Variants in PNPT1 observed in about 807,000 individuals in gnomAD.
PNPT1 encodes polyribonucleotide nucleotidyltransferase 1, mitochondrial.
Under a neutral mutation model 119.5 loss-of-function variants are expected in PNPT1, and 53 were observed. The observed-to-expected ratio is 0.44, with a 90% CI of 0.36 to 0.56. PNPT1 has a LOEUF of 0.56. Among genes scored for constraint, PNPT1 ranks in the 20% least tolerant of loss-of-function variants. PNPT1 has a pLI of 0.00. For missense variants in PNPT1, 948 were observed against 938.5 expected (o/e 1.01, Z -0.13); for synonymous variants, 357 against 322.1 (o/e 1.11, Z -1.16).
rs900126953 is a variant in PNPT1 at position 55,670,813 on chromosome 2, AT to A, written c.976+505del. On this transcript the variant is annotated intron_variant, in intron 11 of 27. Transcript: ENST00000447944. ...AAGATCAGGAACATTCACATTCAACATTTACTAGGTACCTACTCTGCATCAA... is the reference window on the plus strand; with the variant it reads ...AAGATCAGGAACATTCACATTCAACATTACTAGGTACCTACTCTGCATCAA... Among the ~76,000 whole-genome samples, 11 of 152,282 alleles carry A rather than the reference AT, an allele frequency of 7.2e-5. No homozygotes were observed. In the East Asian group the frequency reaches 2.1e-3, roughly 29 times the overall value.
chr2:55,691,278 A>G (rs1353246695), intron 1 of PNPT1, among the ~76,000 whole-genome samples: 1 of 152,256 alleles, frequency 6.6e-6, no homozygotes, highest in African/African-American at 2.4e-5. Flanking sequence ...TGAAATGAAA[A>G]TTAAACACCT....
intron 8 of PNPT1, among the ~76,000 whole-genome samples, chr2:55,676,635 G>T (rs1697081667): frequency 6.6e-6 from 1 of 152,192 alleles, no homozygotes; most frequent in Non-Finnish European, 1.5e-5. Context: ...GCTGAGGCAG[G>T]TGGATCACCT....
Position 55,645,382 on chromosome 2 carries a change from G to C in PNPT1, c.1789C>G (p.Arg597Gly), listed in dbSNP as rs1288276942. 6.8e-6 allele frequency: 11 copies of C among 1,612,336 alleles called. No homozygotes were observed. Among genetic ancestry groups the C allele is most frequent in the Non-Finnish European group, 9.3e-6 (11 of 1,178,772 alleles). Residue 597 changes from arginine (R) to glycine (G), a missense_variant, in exon 22 of 28, where the codon CGA (arginine) becomes GGA (glycine). Coordinates refer to ENST00000447944, the MANE Select transcript of PNPT1 (RefSeq NM_033109.5). Reference sequence around the variant, plus strand: ...GGTCCATTTTCTTTTCTAGATGCTCGAGGTTTTGAAATAGTTTTGTTCATG... The same window carrying C: ...GGTCCATTTTCTTTTCTAGATGCTCCAGGTTTTGAAATAGTTTTGTTCATG... Reference protein sequence around the residue: ...QIMNKTISKPRASRKENGPVV... With the variant: ...QIMNKTISKPGASRKENGPVV...
intron 2 of PNPT1, among the ~76,000 whole-genome samples, 165 bp from the exon 3 acceptor site, chr2:55,686,609 CT>C (rs1215895401): frequency 6.6e-6 from 1 of 152,192 alleles, no homozygotes; most frequent in East Asian, 1.9e-4. Context: ...ATCTTGATCT[CT>C]GAGCTTTTCA....
chr2:55,675,150 C>T (rs1369356781), intron 8 of PNPT1, among the ~76,000 whole-genome samples: 1 of 151,942 alleles, frequency 6.6e-6, no homozygotes, highest in Non-Finnish European at 1.5e-5. Flanking sequence ...TGCCTGTAAT[C>T]CTAGCTATTC....
At chr2:55,669,765 T>C (rs915555240) in intron 11 of PNPT1, among the ~76,000 whole-genome samples, 1 of 116,628 alleles carries the variant, frequency 8.6e-6, no homozygotes, top group African/African-American at 2.7e-5. Flanking sequence ...AACAGCACTT[T>C]TTTTTTTTTT....
In PNPT1 at chr2:55,635,351, G is replaced by C. The variant is rs1186819448; in HGVS notation, c.*886C>G. 7.0e-6 allele frequency: 1 copy of C among 143,382 alleles called. No homozygotes were observed. Among genetic ancestry groups the C allele is most frequent in the African/African-American group, 2.6e-5 (1 of 38,336 alleles). The allele number at this position is 143,382 out of a possible 1,614,324, so 8.9% of individuals were successfully genotyped here. A position where few individuals can be genotyped will look rare whatever the true frequency, so the allele number is the denominator to read the frequency against. On this transcript the variant is annotated 3_prime_UTR_variant, in exon 28 of 28. Transcript: ENST00000447944. ...TTTTTTGAGACGGAGTTTTGCTCTT[G>C]TTGCCTGAGCTGGAGTGCAATGGCG...
chr2:55,659,544 G>C (rs999671625), intron 15 of PNPT1, among the ~76,000 whole-genome samples: 1 of 151,324 alleles, frequency 6.6e-6, no homozygotes, highest in Non-Finnish European at 1.5e-5. Flanking sequence ...AACCTAAAAC[G>C]ATATTGTCTG....
chr2:55,666,752 G>A (rs1297797445), intron 13 of PNPT1, among the ~76,000 whole-genome samples: 2 of 152,208 alleles, frequency 1.3e-5, no homozygotes, highest in Non-Finnish European at 2.9e-5. Flanking sequence ...CGAGGTGGGA[G>A]GATCGCCTGA....
intron 9 of PNPT1, among the ~76,000 whole-genome samples, chr2:55,672,626 C>A (rs1040832023): frequency 6.6e-6 from 1 of 152,146 alleles, no homozygotes; most frequent in Non-Finnish European, 1.5e-5. Flanking sequence ...TATTCTTTTT[C>A]CTAGACGTGG....
chr2:55,662,305 T>C (rs749477367), intron 13 of PNPT1, among the ~76,000 whole-genome samples: 6 of 152,142 alleles, frequency 3.9e-5, no homozygotes, highest in Non-Finnish European at 7.3e-5. Flanking sequence ...GAAAGCAATG[T>C]TTTTAAGAAC....
At chr2:55,651,953 C>T (rs112961922) in intron 18 of PNPT1, among the ~76,000 whole-genome samples, 35 of 149,542 alleles carry the variant, frequency 2.3e-4, no homozygotes, top group African/African-American at 8.1e-4. Flanking sequence ...ACACCTCTTT[C>T]GAGTAGATTC....
chr2:55,676,546 C>T (rs557969887), intron 8 of PNPT1, among the ~76,000 whole-genome samples: 1 of 152,134 alleles, frequency 6.6e-6, no homozygotes, highest in Non-Finnish European at 1.5e-5. Flanking sequence ...CTATTCTTGC[C>T]GTGTAAGATT....
chr2:55,678,270 GA>G (rs1237482304), intron 8 of PNPT1, among the ~76,000 whole-genome samples: 5 of 152,152 alleles, frequency 3.3e-5, no homozygotes, highest in Non-Finnish European at 7.4e-5. Flanking sequence ...ACATGAGGTA[GA>G]CATCATCTAT....
In PNPT1 at chr2:55,667,944, C is replaced by G; in HGVS notation, c.991G>C (p.Ala331Pro). Residue 331 changes from alanine to proline, a missense_variant, in exon 12 of 28, where the codon GCC (alanine) becomes CCC (proline). Transcript: ENST00000447944. ...GATTCTATTATTTCATATGGATCGGCTTCTGGAAATTTTTCTATAGAAAAA... is the reference window on the plus strand; with the variant it reads ...GATTCTATTATTTCATATGGATCGGGTTCTGGAAATTTTTCTATAGAAAAA... ...EEQLKEKFPEADPYEIIESFN... is the reference protein window; with the variant it reads ...EEQLKEKFPEPDPYEIIESFN... 6.3e-7 allele frequency: 1 copy of G among 1,577,680 alleles called. No individual in the cohort carries two copies. Among genetic ancestry groups the G allele is most frequent in the Non-Finnish European group, 8.5e-7 (1 of 1,170,890 alleles).
intron 7 of PNPT1, 96 bp downstream of exon 7, chr2:55,680,616 A>C: frequency 8.8e-7 from 1 of 1,134,054 alleles, no homozygotes; most frequent in Non-Finnish European, 1.3e-6. Context: ...AAGAGGTAAT[A>C]AATCAGAGCC....
chr2:55,687,847 G>A (rs1697461948), intron 1 of PNPT1, 142 bp from the exon 2 acceptor site: 1 of 578,338 alleles, frequency 1.7e-6, no homozygotes, highest in Non-Finnish European at 2.9e-6. Flanking sequence ...CAGAATCCAT[G>A]ATCATTATCA....
In PNPT1 at chr2:55,635,933, C is replaced by A; in HGVS notation, c.*304G>T. 1.3e-5 allele frequency: 1 copy of A among 79,924 alleles called. No individual in the cohort carries two copies. The highest frequency in any genetic ancestry group is 4.8e-4 in the South Asian group (1 of 2,072). 5.0% of individuals were successfully genotyped at this position (79,924 alleles called of 1,614,324 possible). ...CTGTTATAATAACATATGACATATT[C>A]TATCTAAGTTTTTCATATATTTCAG... is the stretch of plus-strand genomic sequence containing the variant. On this transcript the variant is annotated 3_prime_UTR_variant, in exon 28 of 28. Coordinates refer to ENST00000447944, the MANE Select transcript of PNPT1 (RefSeq NM_033109.5).
intron 9 of PNPT1, among the ~76,000 whole-genome samples, 197 bp downstream of exon 9, chr2:55,672,696 A>C (rs1398323418): frequency 1.3e-5 from 2 of 152,366 alleles, no homozygotes; most frequent in South Asian, 4.1e-4. Flanking sequence ...TTGAGATTCA[A>C]AGTTAGGTCT....
Sources: allele counts gnomAD v4.1 joint callset (sites outside exome capture counted in the v4.1 genomes callset), GRCh38; gene constraint gnomAD v4.1.1; transcripts MANE v1.5; gene names NCBI Gene and HGNC (gene_info 2026-07-23, HGNC 2026-07-21).